The following CTNNA2 variants were observed in gnomAD, a reference collection of about 807,000 sequenced individuals.
CTNNA2 encodes catenin alpha 2.
A neutral mutation model predicts 101.0 loss-of-function variants in CTNNA2; 42 were observed. That is an observed-to-expected ratio of 0.42 (90% CI 0.32 to 0.54). CTNNA2 has a LOEUF of 0.54. Ranked by LOEUF, CTNNA2 falls within the 20% of genes least tolerant of loss-of-function variation. CTNNA2 has a pLI of 0.14. For missense variants in CTNNA2, 871 were observed against 1,223.1 expected, an observed-to-expected ratio of 0.71 and a Z score of 4.29; for synonymous variants, 450 against 456.4, an observed-to-expected ratio of 0.99 and a Z score of 0.18.
chr2:80,575,013 C>G (rs931497241), intron 13 of CTNNA2: 11 of 152,216 alleles, frequency 7.2e-5, no homozygotes, highest in Admixed American at 7.2e-4. Flanking sequence ...GTTAAGACAT[C>G]TAGCTAACCT....
At chr2:79,677,281 T>C (rs1252962139) in intron 2 of CTNNA2, among the ~76,000 whole-genome samples, 1 of 152,168 alleles carries the variant, frequency 6.6e-6, no homozygotes, top group African/African-American at 2.4e-5. Context: ...TCCTTCAGGC[T>C]ACGGAGTCCT....
intron 9 of CTNNA2, among the ~76,000 whole-genome samples, chr2:80,488,897 G>A (rs1686808411): frequency 1.3e-5 from 2 of 152,140 alleles, no homozygotes; most frequent in Admixed American, 6.6e-5. Flanking sequence ...ATACACACGT[G>A]CATGCACATA....
chr2:79,507,568 A>T (rs1488437357), intron 5 of CTNNA2, among the ~76,000 whole-genome samples: 1 of 152,200 alleles, frequency 6.6e-6, no homozygotes, highest in Admixed American at 6.5e-5. Flanking sequence ...CATGAGCCAA[A>T]TAAATTTATT....
At chr2:80,391,982 G>C (rs761318969) in intron 7 of CTNNA2, among the ~76,000 whole-genome samples, 27 of 152,274 alleles carry the variant, frequency 1.8e-4, no homozygotes, top group Non-Finnish European at 3.4e-4. Flanking sequence ...AAACCCTATA[G>C]GGCTGTGCAT....
intron 2 of CTNNA2, among the ~76,000 whole-genome samples, chr2:79,697,667 A>G (rs1684730548): frequency 6.6e-6 from 1 of 152,040 alleles, no homozygotes; most frequent in African/African-American, 2.4e-5. Flanking sequence ...CCTCCAAAGC[A>G]TTTGAAACTT....
chr2:80,260,132 C>T (rs1672490757), intron 7 of CTNNA2, among the ~76,000 whole-genome samples: 1 of 152,040 alleles, frequency 6.6e-6, no homozygotes, highest in South Asian at 2.1e-4. Context: ...AAAAATTTTC[C>T]TAGTATCTCA....
rs115088484 is a variant in CTNNA2, at chr2:80,223,688, G to T, written c.1057-169523G>T. On this transcript the variant is annotated intron_variant, in intron 7 of 18. Transcript: ENST00000402739. ...CTTTAATCTGTCTGTTGGAAGGAAA[G>T]AGTGACCACCACTTAGGATATATCC... Among the ~76,000 whole-genome samples the T allele has an allele frequency of 2.9e-3, 448 of 152,336 alleles. 2 individuals carry two copies. Among genetic ancestry groups the T allele is most frequent in the African/African-American group, 9.9e-3 (411 of 41,590 alleles).
At chr2:80,090,539 C>T (rs1471105128) in intron 7 of CTNNA2, among the ~76,000 whole-genome samples, 2 of 152,028 alleles carry the variant, frequency 1.3e-5, no homozygotes, top group Non-Finnish European at 2.9e-5. Flanking sequence ...TTGTGAAATA[C>T]GTAGCAAGTG....
chr2:80,595,350 G>C (rs993285560), intron 15 of CTNNA2, among the ~76,000 whole-genome samples: 3 of 151,980 alleles, frequency 2.0e-5, no homozygotes, highest in African/African-American at 7.3e-5. Flanking sequence ...TCAATTATTA[G>C]TTTTACCAGG....
intron 2 of CTNNA2, among the ~76,000 whole-genome samples, chr2:79,683,902 T>C (rs1683757104): frequency 6.6e-6 from 1 of 152,174 alleles, no homozygotes; most frequent in South Asian, 2.1e-4. Flanking sequence ...AGACCTACTT[T>C]TATAGGTGGA....
intron 2 of CTNNA2, among the ~76,000 whole-genome samples, chr2:79,228,245 A>C (rs1674446570): frequency 6.6e-6 from 1 of 152,132 alleles, no homozygotes; most frequent in South Asian, 2.1e-4. Flanking sequence ...TGACAGGATG[A>C]ATTATTTTCC....
intron 2 of CTNNA2, among the ~76,000 whole-genome samples, chr2:79,672,388 A>G (rs1462269473): frequency 6.6e-6 from 1 of 152,232 alleles, no homozygotes; most frequent in African/African-American, 2.4e-5. Flanking sequence ...CAAGTTAAAT[A>G]GAATAGAACA....
At chr2:80,607,393 G>A (rs1282041533) in intron 16 of CTNNA2, among the ~76,000 whole-genome samples, 1 of 151,824 alleles carries the variant, frequency 6.6e-6, no homozygotes, top group Non-Finnish European at 1.5e-5. Context: ...ATGTTTTCAG[G>A]AGTCATGTCA....
chr2:79,325,302 C>T (rs1043133208), intron 3 of CTNNA2, among the ~76,000 whole-genome samples: 2 of 152,146 alleles, frequency 1.3e-5, no homozygotes, highest in Non-Finnish European at 2.9e-5. Flanking sequence ...AAGATGTATT[C>T]TGTTAGAATG....
At chr2:79,501,881 T>G (rs1671323499) in intron 4 of CTNNA2, among the ~76,000 whole-genome samples, 1 of 151,770 alleles carries the variant, frequency 6.6e-6, no homozygotes, top group Admixed American at 6.6e-5. Context: ...TAGATGGAGG[T>G]GAATCCGACG....
intron 7 of CTNNA2, among the ~76,000 whole-genome samples, chr2:80,164,695 T>A (rs1030970035): frequency 6.6e-6 from 1 of 151,928 alleles, no homozygotes; most frequent in Non-Finnish European, 1.5e-5. Flanking sequence ...TTCTTTCCTT[T>A]CCTTTTGTTT....
rs540191441 is a variant in CTNNA2, at chr2:80,366,256, T to A, written c.1057-26955T>A. 3.3e-5 allele frequency among the ~76,000 whole-genome samples: 5 copies of A among 152,254 alleles called. No individual in the cohort carries two copies. The South Asian group carries it at 8.3e-4, about 25-fold the overall frequency. On this transcript the variant is annotated intron_variant, in intron 7 of 18. Coordinates refer to ENST00000402739, the MANE Select transcript of CTNNA2 (RefSeq NM_001282597.3). ...TCCTCTGAACATCAGCTCCTGAAGA[T>A]TTTAATGGATATTACAAGAGAAAAA...
chr2:79,625,774 C>T (rs1477313208), intron 1 of CTNNA2, among the ~76,000 whole-genome samples: 1 of 152,178 alleles, frequency 6.6e-6, no homozygotes, highest in African/African-American at 2.4e-5. Context: ...GATACTTTGC[C>T]TTTGGTCCCA....
intron 9 of CTNNA2, among the ~76,000 whole-genome samples, chr2:80,495,919 G>A (rs1355670951): frequency 1.5e-5 from 2 of 137,702 alleles, no homozygotes; most frequent in South Asian, 2.4e-4. Context: ...CAGCCTGGGC[G>A]GCAGAGCAAG....
Sources: gnomAD v4.1 joint callset for allele counts (sites outside exome capture counted in the v4.1 genomes callset) on GRCh38, gnomAD v4.1.1 for gene constraint, MANE v1.5 for transcripts, NCBI Gene and HGNC (gene_info 2026-07-23, HGNC 2026-07-21) for gene names.